PLCB4: variants seen among roughly 807,000 people sequenced by gnomAD.
The protein encoded by PLCB4 is phospholipase C beta 4.
PLCB4 carries 77 observed loss-of-function variants against 178.8 expected under a neutral mutation model. That is an observed-to-expected ratio of 0.43 (90% CI 0.36 to 0.52). The LOEUF (loss-of-function observed/expected upper bound fraction) is 0.52. Ranked by LOEUF, PLCB4 falls within the 20% of genes least tolerant of loss-of-function variation. PLCB4 has a pLI of 0.00. For missense variants in PLCB4, 1,024 were observed against 1,453.4 expected (o/e 0.70, Z 4.80); for synonymous variants, 496 against 490.8 (o/e 1.01, Z -0.14).
At chr20:9,306,117 T>C (rs1321895631) in intron 3 of PLCB4, among the ~76,000 whole-genome samples, 58 of 152,130 alleles carry the variant, frequency 3.8e-4, no homozygotes, top group Admixed American at 3.7e-3. Flanking sequence ...ACCTTTCCTT[T>C]CTATTTTCTA....
intron 3 of PLCB4, among the ~76,000 whole-genome samples, chr20:9,261,632 T>C (rs2094298692): frequency 6.6e-6 from 1 of 152,218 alleles, no homozygotes; most frequent in African/African-American, 2.4e-5. Flanking sequence ...AACATACTTC[T>C]TCTTTTACTT....
At position 9,372,403 on chromosome 20, in the gene PLCB4, TG is replaced by T; in HGVS notation, c.686+1del. 2 of 1,487,804 alleles carry T rather than the reference TG, an allele frequency of 1.3e-6. No homozygotes were observed. The highest frequency in any genetic ancestry group is 1.9e-6 in the Non-Finnish European group (2 of 1,071,660). The allele number at this position is 1,487,804 out of a possible 1,614,324, so 92.2% of individuals were successfully genotyped here. On this transcript the variant is annotated splice_donor_variant, in intron 11 of 39. Transcript: ENST00000378473. LOFTEE classifies it high-confidence loss of function. ...GATATAGAAGATCTTTTCAAAAAAA[TG>T]TAAGTTCCACTTATGAGGAAGTGCC... is the stretch of plus-strand genomic sequence containing the variant.
chr20:9,205,209 C>A (rs2093601527), intron 2 of PLCB4, among the ~76,000 whole-genome samples: 1 of 152,132 alleles, frequency 6.6e-6, no homozygotes, highest in South Asian at 2.1e-4. Context: ...GGGTAAACAA[C>A]CGTGAGATAT....
intron 34 of PLCB4, 141 bp from the exon 35 acceptor site, chr20:9,459,494 T>C: frequency 2.0e-6 from 1 of 510,484 alleles, no homozygotes; most frequent in East Asian, 2.8e-5. Flanking sequence ...ATACATATTA[T>C]TTTTTGGTGG....
chr20:9,326,022 G>T (rs1419865665), intron 4 of PLCB4, among the ~76,000 whole-genome samples: 2 of 147,178 alleles, frequency 1.4e-5, no homozygotes, highest in Non-Finnish European at 2.9e-5. Context: ...TCACACGGTG[G>T]GTGAAAGGGG....
intron 15 of PLCB4, 26 bp downstream of exon 15, chr20:9,387,582 C>A: frequency 9.4e-7 from 1 of 1,062,372 alleles, no homozygotes; most frequent in Non-Finnish European, 1.4e-6. Context: ...ATTACACAGA[C>A]TTTTCCAAAC....
intron 2 of PLCB4, among the ~76,000 whole-genome samples, chr20:9,099,246 C>T (rs984131409): frequency 6.6e-5 from 10 of 152,002 alleles, no homozygotes; most frequent in African/African-American, 1.9e-4. Context: ...ATCCATGATT[C>T]GAGCAAGACA....
rs200014246 is a variant in PLCB4, at chr20:9,462,601, CG to C, written c.3248+2792del. Among the ~76,000 whole-genome samples the C allele has an allele frequency of 8.7e-3, 1,331 of 152,226 alleles. 22 individuals carry two copies. The highest frequency in any genetic ancestry group is 0.03 in the African/African-American group (1,263 of 41,548). On this transcript the variant is annotated intron_variant, in intron 35 of 39. Coordinates refer to ENST00000378473, the MANE Select transcript of PLCB4 (RefSeq NM_001377142.1). ...CCTGACGGAGCTGAAAACCATGGCA[CG>C]AGAGCTTCGTGACACATGCACAAGC...
intron 2 of PLCB4, chr20:9,166,706 A>G (rs1380875306): frequency 6.6e-6 from 1 of 152,190 alleles, no homozygotes; most frequent in Non-Finnish European, 1.5e-5. Context: ...GTAAAAAAGC[A>G]TACTGAAAAA....
At chr20:9,337,293 G>GAATGAAT in intron 5 of PLCB4, 87 bp downstream of exon 5, 1 of 879,748 alleles carries the variant, frequency 1.1e-6, no homozygotes, top group Non-Finnish European at 2.0e-6. Context: ...TGCTGTTGAT[G>GAATGAAT]AACCCTACCC....
intron 4 of PLCB4, among the ~76,000 whole-genome samples, chr20:9,327,173 T>C (rs1474204322): frequency 6.6e-6 from 1 of 151,238 alleles, no homozygotes; most frequent in Non-Finnish European, 1.5e-5. Flanking sequence ...GTGCAGTGGC[T>C]CATGCTTATG....
chr20:9,228,372 T>C (rs1214124895), intron 3 of PLCB4, among the ~76,000 whole-genome samples: 2 of 152,174 alleles, frequency 1.3e-5, no homozygotes, highest in African/African-American at 2.4e-5. Context: ...TTGTTTCCAG[T>C]ATGTTTGACC....
intron 39 of PLCB4, 80 bp from the exon 40 acceptor site, chr20:9,478,841 G>A (rs2122757058): frequency 2.1e-6 from 2 of 974,702 alleles, no homozygotes; most frequent in Non-Finnish European, 1.7e-6. Flanking sequence ...TCATATTTAT[G>A]GGAGAAGAGA....
chr20:9,204,655 G>T (rs559993112), intron 2 of PLCB4, among the ~76,000 whole-genome samples: 2 of 152,046 alleles, frequency 1.3e-5, no homozygotes, highest in African/African-American at 2.4e-5. Context: ...GAGCCACCGC[G>T]CCCGGCCGCT....
rs117754719 is a variant in PLCB4 at position 9,079,608 on chromosome 20, C to A, written c.-135+10402C>A. Among the ~76,000 whole-genome samples, 111 of 152,258 alleles carry A rather than the reference C, an allele frequency of 7.3e-4. No individual in the cohort carries two copies. In the East Asian group the frequency reaches 0.017, roughly 24 times the overall value. On this transcript the variant is annotated intron_variant, in intron 1 of 39. Transcript: ENST00000378473. Reference sequence around the variant, plus strand: ...AGGTAAGTGAATGGGTCTGGGAAGGCCAGTAGCAGACCCCCACCCATTTGC... The same window carrying A: ...AGGTAAGTGAATGGGTCTGGGAAGGACAGTAGCAGACCCCCACCCATTTGC...
At chr20:9,152,080 T>C (rs1439578994) in intron 2 of PLCB4, among the ~76,000 whole-genome samples, 1 of 152,142 alleles carries the variant, frequency 6.6e-6, no homozygotes, top group Non-Finnish European at 1.5e-5. Context: ...GGAAGAAATT[T>C]CCAAGCAGCT....
chr20:9,383,460 C>A (rs893941584), intron 13 of PLCB4, among the ~76,000 whole-genome samples: 1 of 152,174 alleles, frequency 6.6e-6, no homozygotes. Flanking sequence ...AAAACAAAAA[C>A]TTGAAGCTGT....
intron 3 of PLCB4, among the ~76,000 whole-genome samples, chr20:9,284,572 T>C (rs1021001576): frequency 6.6e-5 from 10 of 151,766 alleles, no homozygotes; most frequent in Non-Finnish European, 1.2e-4. Flanking sequence ...GAGAGGGAAA[T>C]GTATGATCTT....
At chr20:9,135,838 C>T (rs1216007460) in intron 2 of PLCB4, among the ~76,000 whole-genome samples, 2 of 152,074 alleles carry the variant, frequency 1.3e-5, no homozygotes, top group African/African-American at 2.4e-5. Context: ...TGGAGTTGTG[C>T]GTAAGTCCTA....
Sources: gnomAD v4.1 joint callset for allele counts (sites outside exome capture counted in the v4.1 genomes callset) on GRCh38, gnomAD v4.1.1 for gene constraint, MANE v1.5 for transcripts, NCBI Gene and HGNC (gene_info 2026-07-23, HGNC 2026-07-21) for gene names.